The following ISL2 variants were observed in gnomAD, a reference collection of about 807,000 sequenced individuals.
The protein encoded by ISL2 is ISL LIM homeobox 2, also known as insulin gene enhancer protein ISL-2.
In ISL2, 17 loss-of-function variants were observed where a neutral mutation model predicts 34.6. That is an observed-to-expected ratio of 0.49 (90% CI 0.34 to 0.74). The LOEUF (loss-of-function observed/expected upper bound fraction) is 0.74. Ranked by LOEUF, ISL2 falls within the 30% of genes least tolerant of loss-of-function variation. ISL2 has a pLI of 0.01. For missense variants in ISL2, 469 were observed against 515.2 expected (o/e 0.91, Z 0.87); for synonymous variants, 232 against 225.5 (o/e 1.03, Z -0.26).
At position 76,341,308 on chromosome 15, in the gene ISL2, C is replaced by T; in HGVS notation, c.963+7C>T. ...ACCCGCCTTCCAACAGCTGGTGAGG[C>T]CCTGCCCTACCCGCCCCGACCTCGG... On this transcript the variant is annotated splice_region_variant and intron_variant, in intron 5 of 5. Coordinates refer to ENST00000290759, the MANE Select transcript of ISL2 (RefSeq NM_145805.3). 1 of 1,579,696 alleles carries T rather than the reference C, an allele frequency of 6.3e-7. No homozygotes were observed.
chr15:76,338,083 C>T (rs1212038520), intron 2 of ISL2, 116 bp downstream of exon 2: 1 of 1,316,766 alleles, frequency 7.6e-7, no homozygotes, highest in Non-Finnish European at 9.9e-7. Flanking sequence ...CATCCGCATC[C>T]CGCACGGGTG....
chr15:76,339,194 T>C (rs1596240175), intron 3 of ISL2: 1 of 985,192 alleles, frequency 1.0e-6, no homozygotes, highest in South Asian at 4.7e-5. Context: ...CAAGGCAGTT[T>C]CCCCCAGGTA....
At position 76,340,539 on chromosome 15, in the gene ISL2, C is replaced by A; in HGVS notation, c.775C>A (p.Gln259Lys). 6.2e-7 allele frequency: 1 copy of A among 1,609,444 alleles called. No individual in the cohort carries two copies. ...CATTCTCATGAAGCAGCTGCAGCAG[C>A]AGCAGCACAGCGACAAGACGGTGAG... Reference protein sequence around the residue: ...KSILMKQLQQQQHSDKTSLQG... With the variant: ...KSILMKQLQQKQHSDKTSLQG... Residue 259 changes from glutamine (Q) to lysine (K), a missense_variant, in exon 4 of 6, where the codon CAG (glutamine) becomes AAG (lysine). Gln to Lys is a moderately conservative substitution (Grantham distance 53). Transcript: ENST00000290759.
intron 3 of ISL2, chr15:76,339,839 G>C: frequency 9.9e-7 from 1 of 1,005,918 alleles, no homozygotes; most frequent in Non-Finnish European, 1.2e-6. Flanking sequence ...AGTCCCCTGG[G>C]CAGCGCCTCG....
In ISL2 at chr15:76,340,264, C is replaced by T. The variant is rs955198562; in HGVS notation, c.512-12C>T. On this transcript the variant is annotated splice_polypyrimidine_tract_variant and intron_variant, in intron 3 of 5. Coordinates refer to ENST00000290759, the MANE Select transcript of ISL2 (RefSeq NM_145805.3). Reference sequence around the variant, plus strand: ...CCCCTCGCTAACCTCTGGCCTCACCCTGTCCTGGCAGACGCTGGGTCGGGC... The same window carrying T: ...CCCCTCGCTAACCTCTGGCCTCACCTTGTCCTGGCAGACGCTGGGTCGGGC... 1 of 1,586,922 alleles carries T rather than the reference C, an allele frequency of 6.3e-7. No homozygotes were observed.
At position 76,339,553 on chromosome 15, in the gene ISL2, C is replaced by T. The variant is rs868429278; in HGVS notation, c.512-723C>T. 33 of 985,602 alleles carry T rather than the reference C, an allele frequency of 3.3e-5. No individual in the cohort carries two copies. In the Middle Eastern group the frequency reaches 1.6e-3, roughly 47 times the overall value. 61.1% of individuals were successfully genotyped at this position (985,602 alleles called of 1,614,324 possible). ...GCTCTGGAATCAGTCACTGTTTCCC[C>T]GGGATGGAGAGAACCTGGGGCCAAG... On this transcript the variant is annotated intron_variant, in intron 3 of 5. Transcript: ENST00000290759.
rs760971397 is a variant in ISL2, at chr15:76,337,946, A to G, written c.227A>G (p.Tyr76Cys). 2 of 1,606,446 alleles carry G rather than the reference A, an allele frequency of 1.2e-6. No homozygotes were observed. Among genetic ancestry groups the G allele is most frequent in the South Asian group, 1.1e-5 (1 of 90,340 alleles). Residue 76 changes from tyrosine (Y) to cysteine (C), a missense_variant, in exon 2 of 6, where the codon TAC (tyrosine) becomes TGC (cysteine). By Grantham distance (194) the Tyr-to-Cys change is radical. Around this residue, in one of 3 missense-constraint regions of ISL2, gnomAD observed 297 missense variants for 337.8 expected, o/e 0.88. Transcript: ENST00000290759. ...TGCTTCGTGAGAGACGGGAAGACCT[A>G]CTGCAAGCGGGACTATGTCAGGTGA... ...CTCFVRDGKT[Y>C]CKRDYVRLFG...
At chr15:76,338,821 C>T in intron 3 of ISL2, 6 of 985,344 alleles carry the variant, frequency 6.1e-6, no homozygotes, top group Non-Finnish European at 7.2e-6. Flanking sequence ...AACAGGGAAT[C>T]TTAAGTGGTG....
intron 2 of ISL2, 35 bp downstream of exon 2, chr15:76,338,002 G>A (rs768087499): frequency 1.3e-6 from 2 of 1,522,088 alleles, no homozygotes; most frequent in Non-Finnish European, 8.9e-7. Flanking sequence ...GGGCCACCGC[G>A]CGCAGGGGCC....
chr15:76,336,786 G>C lies in ISL2; in HGVS notation c.-98G>C, dbSNP rs957409319. ...TGCGGAATCGCTCCTTCAACTCCGC[G>C]GGGCAGTAGGAGTTAGTTAGCAAAG... is the stretch of plus-strand genomic sequence containing the variant. On this transcript the variant is annotated 5_prime_UTR_variant, in exon 1 of 6. Transcript: ENST00000290759. 1.0e-5 allele frequency: 11 copies of C among 1,048,994 alleles called. No individual in the cohort carries two copies. The highest frequency in any genetic ancestry group is 1.3e-5 in the Non-Finnish European group (9 of 669,428). The allele number at this position is 1,048,994 out of a possible 1,614,324, so 65.0% of individuals were successfully genotyped here.
chr15:76,338,212 G>A (rs1264174569), intron 2 of ISL2, 40 bp from the exon 3 acceptor site: 5 of 1,516,072 alleles, frequency 3.3e-6, no homozygotes, highest in South Asian at 2.4e-5. Context: ...GAGGGCGGCC[G>A]CAGGCCCAGC....
chr15:76,339,245 C>T (rs2040174842), intron 3 of ISL2: 1 of 985,420 alleles, frequency 1.0e-6, no homozygotes. Flanking sequence ...CAGGCTGGGC[C>T]TCTGGGTGCT....
At chr15:76,341,686 A>G in intron 5 of ISL2, 33 bp from the exon 6 acceptor site, 1 of 1,497,304 alleles carries the variant, frequency 6.7e-7, no homozygotes, top group Non-Finnish European at 9.3e-7. Context: ...GTGCCTCTTC[A>G]CCTGCCTCTT....
At chr15:76,337,230 G>GTT (rs11439488) in intron 1 of ISL2, among the ~76,000 whole-genome samples, 14,315 of 145,284 alleles carry the variant, frequency 0.099, 1,073 homozygotes, top group African/African-American at 0.2. Context: ...AGGGATGTGG[G>GTT]TTTTTTTTTT....
intron 3 of ISL2, chr15:76,339,253 G>A: frequency 2.0e-6 from 2 of 985,368 alleles, no homozygotes; most frequent in Non-Finnish European, 2.4e-6. Flanking sequence ...GCCTCTGGGT[G>A]CTGTGTGGCC....
chr15:76,340,057 G>C, intron 3 of ISL2: 1 of 1,385,766 alleles, frequency 7.2e-7, no homozygotes, highest in Non-Finnish European at 9.3e-7. Flanking sequence ...AGAGATCGCT[G>C]CGGGGCAGTC....
rs140386740 is a variant in ISL2 at position 76,339,435 on chromosome 15, A to C, written c.512-841A>C. 1,189 of 985,432 alleles carry C rather than the reference A, an allele frequency of 1.2e-3. 14 individuals are homozygous for C. In the African/African-American group the frequency reaches 0.019, roughly 16 times the overall value. The allele number at this position is 985,432 out of a possible 1,614,324, so 61.0% of individuals were successfully genotyped here. On this transcript the variant is annotated intron_variant, in intron 3 of 5. Coordinates refer to ENST00000290759, the MANE Select transcript of ISL2 (RefSeq NM_145805.3). ...GTATATATGGGTCGGGATCAAATGG[A>C]GATGTGAAATGGGAGCAAGCGGGTA...
chr15:76,342,407 T>C lies in ISL2; in HGVS notation c.*572T>C, dbSNP rs2040201717. The stretch of plus-strand genomic sequence containing the variant: ...AACAAACAAACGTAAGTTATTGTTA[T>C]TTATTGTGAGAACAGCCAGTTCATA... On this transcript the variant is annotated 3_prime_UTR_variant, in exon 6 of 6. Transcript: ENST00000290759. The C allele has an allele frequency of 6.6e-6, 1 of 152,434 alleles. No homozygotes were observed. Among genetic ancestry groups the C allele is most frequent in the African/African-American group, 2.4e-5 (1 of 41,478 alleles). 9.4% of individuals were successfully genotyped at this position (152,434 alleles called of 1,614,324 possible). A position where few individuals can be genotyped will look rare whatever the true frequency, so the allele number is the denominator to read the frequency against.
chr15:76,338,388 G>C lies in ISL2; in HGVS notation c.385G>C (p.Glu129Gln), dbSNP rs2040168552. The C allele has an allele frequency of 1.3e-6, 2 of 1,542,596 alleles. No individual in the cohort carries two copies. Reference sequence around the variant, plus strand: ...CAGCCGCCAGCTGCTGCCTGGGGACGAGTTCTCGCTGCGGGAGCACGAGCT... The same window carrying C: ...CAGCCGCCAGCTGCTGCCTGGGGACCAGTTCTCGCTGCGGGAGCACGAGCT... Reference protein sequence around the residue: ...VCSRQLLPGDEFSLREHELLC... With the variant: ...VCSRQLLPGDQFSLREHELLC... Residue 129 changes from glutamate (E) to glutamine (Q), a missense_variant, in exon 3 of 6, where the codon GAG (glutamate) becomes CAG (glutamine). Glu to Gln is a conservative substitution (Grantham distance 29). Around this residue, in one of 3 missense-constraint regions of ISL2, gnomAD observed 297 missense variants for 337.8 expected, o/e 0.88. Transcript: ENST00000290759.
Sources: gnomAD v4.1 joint callset for allele counts (sites outside exome capture counted in the v4.1 genomes callset) on GRCh38, gnomAD v4.1.1 for gene constraint, gnomAD v4.1.1 regional missense constraint, MANE v1.5 for transcripts, NCBI Gene and HGNC (gene_info 2026-07-23, HGNC 2026-07-21) for gene names.